ANAPC5: variants seen among roughly 807,000 people sequenced by gnomAD.
ANAPC5 encodes the protein anaphase promoting complex subunit 5.
A neutral mutation model predicts 91.3 loss-of-function variants in ANAPC5; 60 were observed. The observed-to-expected ratio is 0.66, with a 90% confidence interval of 0.53 to 0.81. The LOEUF (loss-of-function observed/expected upper bound fraction) is 0.81. Among genes scored for constraint, ANAPC5 ranks in the 40% least tolerant of loss-of-function variants. The pLI is 0.00. For synonymous variants in ANAPC5, 340 were observed against 364.1 expected (o/e 0.93, Z 0.75); for missense variants, 690 against 931.5 (o/e 0.74, Z 3.37).
chr12:121,320,087 C>CTTTGCAAAT (rs1902536071), intron 12 of ANAPC5, among the ~76,000 whole-genome samples: 1 of 152,138 alleles, frequency 6.6e-6, no homozygotes, highest in African/African-American at 2.4e-5. Context: ...CAATGAAGTC[C>CTTTGCAAAT]TTTGCAAATT....
chr12:121,314,140 G>A (rs1038343678), intron 15 of ANAPC5, among the ~76,000 whole-genome samples: 2 of 152,124 alleles, frequency 1.3e-5, no homozygotes, highest in African/African-American at 4.8e-5. Context: ...AGTGGCTCAC[G>A]CCTGTAATCC....
At chr12:121,332,179 T>G (rs1284230645) in intron 7 of ANAPC5, 1 of 152,232 alleles carries the variant, frequency 6.6e-6, no homozygotes, top group Non-Finnish European at 1.5e-5. Flanking sequence ...CCCAGGCTGG[T>G]CTCCAACTCC....
intron 1 of ANAPC5, among the ~76,000 whole-genome samples, chr12:121,351,923 G>A (rs1593612281): frequency 6.8e-6 from 1 of 147,814 alleles, no homozygotes; most frequent in South Asian, 2.1e-4. Flanking sequence ...ACATGAACTT[G>A]CAAAAAAAAA....
rs1555274191 is a variant in ANAPC5 at position 121,342,391 on chromosome 12, C to T, written c.591-322G>A. On this transcript the variant is annotated intron_variant, in intron 4 of 16. Transcript: ENST00000261819. The surrounding 1 kb of genome is among the most constrained non-coding windows in gnomAD (Gnocchi z 4.1). ...ATGAAGGTGGATCCTTATCTAACAC[C>T]ATATTCAAAAATTAACTCACAAGGA... is the stretch of plus-strand genomic sequence containing the variant. Among the ~76,000 whole-genome samples, 2 of 152,136 alleles carry T rather than the reference C, an allele frequency of 1.3e-5. No individual in the cohort carries two copies. The highest frequency in any genetic ancestry group is 4.8e-5 in the African/African-American group (2 of 41,424).
Position 121,310,857 on chromosome 12 carries a change from C to A in ANAPC5, c.1894-994G>T, listed in dbSNP as rs1173445106. Among the ~76,000 whole-genome samples the A allele has an allele frequency of 7.5e-5, 11 of 146,876 alleles. No individual in the cohort carries two copies. The Admixed American group carries it at 7.6e-4, about 10-fold the overall frequency. ...GCTGAGACAGGAGAATCACTTGAACCCAGGAGGTAATGGATGCAGTGAGCA... is the reference window on the plus strand; with the variant it reads ...GCTGAGACAGGAGAATCACTTGAACACAGGAGGTAATGGATGCAGTGAGCA... On this transcript the variant is annotated intron_variant, in intron 15 of 16. Coordinates refer to ENST00000261819, the MANE Select transcript of ANAPC5 (RefSeq NM_016237.5).
At chr12:121,327,340 G>C in intron 10 of ANAPC5, 109 bp from the exon 11 acceptor site, 1 of 1,373,658 alleles carries the variant, frequency 7.3e-7, no homozygotes, top group African/African-American at 1.5e-5. Flanking sequence ...CACCTCACAG[G>C]CTCTGGCTTT....
chr12:121,331,309 C>T, intron 8 of ANAPC5, 38 bp downstream of exon 8: 1 of 1,549,518 alleles, frequency 6.5e-7, no homozygotes, highest in South Asian at 1.2e-5. Context: ...CCAATTCAAC[C>T]CGTGAACAAA....
intron 8 of ANAPC5, 163 bp downstream of exon 8, chr12:121,331,184 G>A: frequency 1.8e-6 from 1 of 559,786 alleles, no homozygotes; most frequent in East Asian, 2.9e-5. Context: ...AGAAAGGTAA[G>A]TAAAGATAAG....
At chr12:121,329,917 A>C (rs1555272713) in intron 9 of ANAPC5, among the ~76,000 whole-genome samples, 1 of 152,172 alleles carries the variant, frequency 6.6e-6, no homozygotes, top group Non-Finnish European at 1.5e-5. Context: ...GCCCAGCCAG[A>C]TAAGCCTTTT....
At chr12:121,312,073 C>T (rs920896626) in intron 15 of ANAPC5, among the ~76,000 whole-genome samples, 1 of 152,038 alleles carries the variant, frequency 6.6e-6, no homozygotes, top group Non-Finnish European at 1.5e-5. Flanking sequence ...GTTTGGGCCA[C>T]AAAATAACAC....
Position 121,352,245 on chromosome 12 carries a change from C to T in ANAPC5, c.96G>A (p.Pro32=). The T allele has an allele frequency of 1.2e-6, 2 of 1,614,188 alleles. No individual in the cohort carries two copies. The highest frequency in any genetic ancestry group is 1.7e-6 in the Non-Finnish European group (2 of 1,180,010). The change falls in exon 1 of 17, where the codon CCG becomes CCA. Residue 32 remains proline, a synonymous_variant. Coordinates refer to ENST00000261819, the MANE Select transcript of ANAPC5 (RefSeq NM_016237.5). ...NVFGIKDWVT[P]YKIAVLVLLN... ...GCAGCACCAGCACCGCGATCTTGTA[C>T]GGCGTCACCCAGTCCTTGATGCCGA...
At chr12:121,328,163 CA>C in intron 10 of ANAPC5, 152 bp downstream of exon 10, 1 of 704,452 alleles carries the variant, frequency 1.4e-6, no homozygotes, top group Non-Finnish European at 2.3e-6. Flanking sequence ...GTGCAAAATA[CA>C]AAATGTTTTA....
At chr12:121,324,634 G>A (rs1902741301) in intron 11 of ANAPC5, among the ~76,000 whole-genome samples, 1 of 152,210 alleles carries the variant, frequency 6.6e-6, no homozygotes. Context: ...ACTCACACCT[G>A]TAATTCCAAC....
rs148551902 is a variant in ANAPC5, at chr12:121,346,097, C to T, written c.398-66G>A. On this transcript the variant is annotated intron_variant, in intron 3 of 16. Coordinates refer to ENST00000261819, the MANE Select transcript of ANAPC5 (RefSeq NM_016237.5). The stretch of plus-strand genomic sequence containing the variant: ...ACATCCAGGCTACGCAATGGCAACT[C>T]CACAATGGCAATGACTGTCTGCTGG... 63 of 1,287,606 alleles carry T rather than the reference C, an allele frequency of 4.9e-5. No homozygotes were observed. The East Asian group carries it at 1.4e-3, about 29-fold the overall frequency. The allele number at this position is 1,287,606 out of a possible 1,614,324, so 79.8% of individuals were successfully genotyped here. A position where few individuals can be genotyped will look rare whatever the true frequency, so the allele number is the denominator to read the frequency against.
At chr12:121,345,053 G>T (rs1030506710) in intron 4 of ANAPC5, among the ~76,000 whole-genome samples, 2 of 152,174 alleles carry the variant, frequency 1.3e-5, no homozygotes, top group South Asian at 4.1e-4. Flanking sequence ...GGTAGAGATT[G>T]GGTGCTTAGA....
At chr12:121,348,737 T>C (rs1903769701) in intron 1 of ANAPC5, among the ~76,000 whole-genome samples, 1 of 152,228 alleles carries the variant, frequency 6.6e-6, no homozygotes, top group Non-Finnish European at 1.5e-5. Context: ...TACAGTCTAG[T>C]TGAGATTTAA....
At chr12:121,324,931 G>C (rs1555272152) in intron 11 of ANAPC5, among the ~76,000 whole-genome samples, 1 of 152,052 alleles carries the variant, frequency 6.6e-6, no homozygotes, top group African/African-American at 2.4e-5. Context: ...CTGTGACACT[G>C]AAGTGGGAGG....
intron 7 of ANAPC5, chr12:121,331,990 C>T (rs943282402): frequency 1.3e-5 from 2 of 152,128 alleles, no homozygotes; most frequent in East Asian, 1.9e-4. Context: ...GCACTCACCA[C>T]CATGCTTGGT....
At chr12:121,349,108 C>T (rs1160999052) in intron 1 of ANAPC5, among the ~76,000 whole-genome samples, 1 of 152,176 alleles carries the variant, frequency 6.6e-6, no homozygotes, top group Non-Finnish European at 1.5e-5. Flanking sequence ...CCAGGCTGCT[C>T]TTGAACTCCT....
Sources: allele counts gnomAD v4.1 joint callset (sites outside exome capture counted in the v4.1 genomes callset), GRCh38; gene constraint gnomAD v4.1.1; non-coding constraint Gnocchi (gnomAD v3.1); transcripts MANE v1.5; gene names NCBI Gene and HGNC (gene_info 2026-07-23, HGNC 2026-07-21).